The following ANTXR2 variants were observed in gnomAD, a reference collection of about 807,000 sequenced individuals.
The protein encoded by ANTXR2 is anthrax toxin receptor 2.
In ANTXR2, 44 loss-of-function variants were observed where a neutral mutation model predicts 73.7. That is an observed-to-expected ratio of 0.60 (90% CI 0.47 to 0.77). The LOEUF (loss-of-function observed/expected upper bound fraction) is 0.77. Among genes scored for constraint, ANTXR2 ranks in the 30% least tolerant of loss-of-function variants. ANTXR2 has a pLI of 0.00. For synonymous variants in ANTXR2, 217 were observed against 205.9 expected (o/e 1.05, Z -0.46); for missense variants, 604 against 592.5 (o/e 1.02, Z -0.20).
chr4:79,927,590 G>T (rs1727870751), intron 16 of ANTXR2, among the ~76,000 whole-genome samples: 1 of 152,024 alleles, frequency 6.6e-6, no homozygotes, highest in Non-Finnish European at 1.5e-5. Flanking sequence ...CTATATTTTA[G>T]AAATTTGTAT....
At chr4:80,060,951 G>T (rs570393857) in intron 3 of ANTXR2, among the ~76,000 whole-genome samples, 2 of 152,066 alleles carry the variant, frequency 1.3e-5, no homozygotes, top group Admixed American at 6.6e-5. Flanking sequence ...GGCTAGAAGC[G>T]GAATGCCTTC....
At position 80,071,497 on chromosome 4, in the gene ANTXR2, T is replaced by G. The variant is rs1455255711; in HGVS notation, c.224+86A>C. The G allele has an allele frequency of 2.6e-6, 3 of 1,174,962 alleles. No individual in the cohort carries two copies. The East Asian group carries it at 7.1e-5, about 28-fold the overall frequency. 72.8% of individuals were successfully genotyped at this position (1,174,962 alleles called of 1,614,324 possible). A position where few individuals can be genotyped will look rare whatever the true frequency, so the allele number is the denominator to read the frequency against. On this transcript the variant is annotated intron_variant, in intron 2 of 16. Coordinates refer to ENST00000403729, the MANE Select transcript of ANTXR2 (RefSeq NM_058172.6). The stretch of plus-strand genomic sequence containing the variant: ...TTAAAAGTAACATTTCAGGAAAAGT[T>G]TTTCCTATAAAAGGTTTCAGAAAAG...
intron 16 of ANTXR2, among the ~76,000 whole-genome samples, chr4:79,918,816 A>G (rs1299995720): frequency 3.3e-5 from 5 of 152,080 alleles, no homozygotes; most frequent in Non-Finnish European, 5.9e-5. Flanking sequence ...ATAAATTTTT[A>G]TGACACTATT....
chr4:80,073,302 T>A (rs1411747171), upstream of ANTXR2: 1 of 152,360 alleles, frequency 6.6e-6, no homozygotes, highest in Non-Finnish European at 1.5e-5. Flanking sequence ...ACTTGTGGGT[T>A]CCTGCCGAGT....
intron 10 of ANTXR2, among the ~76,000 whole-genome samples, chr4:80,025,980 G>C (rs905450000): frequency 2.6e-5 from 4 of 152,132 alleles, no homozygotes; most frequent in African/African-American, 4.8e-5. Context: ...TCCATTTGCT[G>C]TGTGTTTTTT....
rs1560856010 is a variant in ANTXR2 at position 79,919,866 on chromosome 4, TA to T, written c.1429-12400del. Among the ~76,000 whole-genome samples the T allele has an allele frequency of 3.3e-3, 25 of 7,644 alleles. 1 individual carries two copies. Among genetic ancestry groups the T allele is most frequent in the African/African-American group, 6.2e-3 (12 of 1,944 alleles). 5.0% of individuals were successfully genotyped at this position (7,644 alleles called of 152,430 possible). The stretch of plus-strand genomic sequence containing the variant: ...CTCTAGAGAATCCTAATACATATTT[TA>T]TATATATATATATATATATATATAT... On this transcript the variant is annotated intron_variant, in intron 16 of 16. Coordinates refer to ENST00000403729, the MANE Select transcript of ANTXR2 (RefSeq NM_058172.6).
intron 12 of ANTXR2, among the ~76,000 whole-genome samples, chr4:80,006,393 A>G (rs774277947): frequency 5.9e-5 from 9 of 151,980 alleles, no homozygotes; most frequent in African/African-American, 1.2e-4. Flanking sequence ...TCTACTTTAG[A>G]AAACGTTTGC....
At chr4:79,961,126 G>T (rs1299874421) in intron 16 of ANTXR2, among the ~76,000 whole-genome samples, 2 of 151,762 alleles carry the variant, frequency 1.3e-5, no homozygotes, top group Non-Finnish European at 2.9e-5. Context: ...CCTTGGACTG[G>T]GTCTTCTGAG....
chr4:79,963,962 G>A (rs1440219937), intron 16 of ANTXR2, among the ~76,000 whole-genome samples: 1 of 152,084 alleles, frequency 6.6e-6, no homozygotes, highest in Admixed American at 6.5e-5. Flanking sequence ...TTTATGAATA[G>A]GAATTAGTTA....
chr4:79,973,722 C>G (rs1049616856), intron 16 of ANTXR2, among the ~76,000 whole-genome samples: 2 of 152,120 alleles, frequency 1.3e-5, no homozygotes, highest in Non-Finnish European at 2.9e-5. Flanking sequence ...AGCCACCACA[C>G]CTGGCCACAT....
chr4:79,934,058 A>G (rs1371049066), intron 16 of ANTXR2, among the ~76,000 whole-genome samples: 4 of 152,048 alleles, frequency 2.6e-5, no homozygotes, highest in Non-Finnish European at 5.9e-5. Flanking sequence ...ATTGTTAGAA[A>G]CTATGAATAA....
intron 16 of ANTXR2, among the ~76,000 whole-genome samples, chr4:79,921,516 C>T (rs887806077): frequency 6.6e-6 from 1 of 152,008 alleles, no homozygotes; most frequent in Non-Finnish European, 1.5e-5. Context: ...AGCTAAATTC[C>T]TATACAATTT....
chr4:80,036,041 G>GAAA lies in ANTXR2; in HGVS notation c.637-12_637-10dup. The GAAA allele has an allele frequency of 6.2e-6, 7 of 1,135,692 alleles. No individual in the cohort carries two copies. Among genetic ancestry groups the GAAA allele is most frequent in the South Asian group, 1.8e-5 (1 of 54,784 alleles). The allele number at this position is 1,135,692 out of a possible 1,614,324, so 70.4% of individuals were successfully genotyped here. A position where few individuals can be genotyped will look rare whatever the true frequency, so the allele number is the denominator to read the frequency against. ...CATGACTGAGCTAGTATCTAAAAAA[G>GAAA]AAAAAAAAAAAAGATTACCAAGCTA... On this transcript the variant is annotated splice_polypyrimidine_tract_variant and intron_variant, in intron 7 of 16. Coordinates refer to ENST00000403729, the MANE Select transcript of ANTXR2 (RefSeq NM_058172.6).
chr4:79,935,590 C>T (rs1728232621), intron 16 of ANTXR2, among the ~76,000 whole-genome samples: 1 of 152,006 alleles, frequency 6.6e-6, no homozygotes, highest in South Asian at 2.1e-4. Flanking sequence ...TGAGTCAAAA[C>T]ATTAAGAAGA....
chr4:80,067,216 A>AG (rs1231551199), intron 3 of ANTXR2, among the ~76,000 whole-genome samples: 1 of 149,550 alleles, frequency 6.7e-6, no homozygotes, highest in Non-Finnish European at 1.5e-5. Flanking sequence ...ACAAAAAAAA[A>AG]AAAGAAAGAA....
intron 14 of ANTXR2, among the ~76,000 whole-genome samples, chr4:79,982,754 A>G (rs146617475): frequency 1.3e-5 from 2 of 152,182 alleles, no homozygotes; most frequent in Non-Finnish European, 2.9e-5. Context: ...GCCTCAGAGG[A>G]TATTTCAACA....
chr4:80,027,977 A>C (rs1732517021), intron 10 of ANTXR2, among the ~76,000 whole-genome samples: 1 of 152,190 alleles, frequency 6.6e-6, no homozygotes, highest in Non-Finnish European at 1.5e-5. Context: ...CAAAGGAACC[A>C]CTTTTAGAAA....
At chr4:80,010,114 C>G (rs917415909) in intron 11 of ANTXR2, among the ~76,000 whole-genome samples, 2 of 151,558 alleles carry the variant, frequency 1.3e-5, no homozygotes, top group African/African-American at 4.8e-5. Flanking sequence ...AAGATTAATA[C>G]TAATACTTTA....
At chr4:79,986,233 C>T (rs558337225) in intron 12 of ANTXR2, among the ~76,000 whole-genome samples, 3 of 152,248 alleles carry the variant, frequency 2.0e-5, no homozygotes, top group African/African-American at 7.2e-5. Context: ...GCTTCAGCTA[C>T]TTCAGGTACA....
Sources: gnomAD v4.1 joint callset for allele counts (sites outside exome capture counted in the v4.1 genomes callset) on GRCh38, gnomAD v4.1.1 for gene constraint, MANE v1.5 for transcripts, NCBI Gene and HGNC (gene_info 2026-07-23, HGNC 2026-07-21) for gene names.